Variants in NFE2L3 observed in about 807,000 individuals in gnomAD.
NFE2L3 encodes nuclear factor erythroid 2-related factor 3.
NFE2L3 carries 18 observed loss-of-function variants against 23.5 expected under a neutral mutation model. That is an observed-to-expected ratio of 0.77 (90% confidence interval 0.53 to 1.13). The LOEUF is 1.13. NFE2L3 is among the 50% of genes most tolerant of loss of function. The pLI, the probability that NFE2L3 is intolerant of heterozygous loss-of-function variation, is 0.00. For missense variants in NFE2L3, 1,152 were observed against 877.2 expected (o/e 1.31, Z -3.96); for synonymous variants, 424 against 354.5 (o/e 1.20, Z -2.20).
chr7:26,161,335 C>CTTTTT (rs914055111), intron 1 of NFE2L3, among the ~76,000 whole-genome samples: 9 of 69,574 alleles, frequency 1.3e-4, no homozygotes, highest in Non-Finnish European at 1.9e-4. Context: ...GCTTCTCTCT[C>CTTTTT]TTTTTTTTTT....
intron 3 of NFE2L3, chr7:26,184,131 G>A: frequency 2.9e-6 from 1 of 339,942 alleles, no homozygotes; most frequent in Non-Finnish European, 5.4e-6. Context: ...TGTAGTTTTA[G>A]CGCTTAGAGG....
chr7:26,158,354 A>T (rs193151835), intron 1 of NFE2L3, among the ~76,000 whole-genome samples: 123 of 152,338 alleles, frequency 8.1e-4, no homozygotes, highest in African/African-American at 2.9e-3. Flanking sequence ...CAATGGACCC[A>T]GTTTCCAAAG....
chr7:26,184,451 G>T (rs945473555), intron 3 of NFE2L3, 82 bp from the exon 4 acceptor site: 1 of 1,282,524 alleles, frequency 7.8e-7, no homozygotes. Flanking sequence ...TGACAAAAGA[G>T]GGGAAAGAAA....
At position 26,185,696 on chromosome 7, in the gene NFE2L3, T is replaced by C. The variant is rs1033070847; in HGVS notation, c.1998T>C (p.Cys666=). 1 of 1,613,792 alleles carries C rather than the reference T, an allele frequency of 6.2e-7. No homozygotes were observed. Among genetic ancestry groups the C allele is most frequent in the South Asian group, 1.1e-5 (1 of 91,056 alleles). Residue 666 remains cysteine, a synonymous_variant, in exon 4 of 4, where the codon TGT becomes TGC. Coordinates refer to ENST00000056233, the MANE Select transcript of NFE2L3 (RefSeq NM_004289.7). ...ATCCCAACCACTATGCTCTCCAGTG[T>C]ACCCATGATGGAAGTATCTTGATAG... ...PVNPNHYALQ[C]THDGSILIVP... is the part of the protein sequence containing the mutation.
Position 26,186,269 on chromosome 7 carries a change from A to AG in NFE2L3, c.*486_*487insG, listed in dbSNP as rs1782484921. 1 of 152,208 alleles carries AG rather than the reference A, an allele frequency of 6.6e-6. No homozygotes were observed. The highest frequency in any genetic ancestry group is 2.4e-5 in the African/African-American group (1 of 41,460). The allele number at this position is 152,208 out of a possible 1,614,324, so 9.4% of individuals were successfully genotyped here. On this transcript the variant is annotated 3_prime_UTR_variant, in exon 4 of 4. Transcript: ENST00000056233. ...CTTATAAATTTTGCTTTCTATGGAA[A>AG]TAAATTTTGTATTTGTATTAAAAAT...
At chr7:26,156,578 T>C (rs1784085702) in intron 1 of NFE2L3, among the ~76,000 whole-genome samples, 1 of 152,204 alleles carries the variant, frequency 6.6e-6, no homozygotes, top group African/African-American at 2.4e-5. Context: ...TCACAACGGA[T>C]GAAGCATGCA....
rs1485693587 is a variant in NFE2L3, at chr7:26,174,802, T to C, written c.571-3141T>C. ...CTGTTCCTGGAAGAAACAGAAAGAG[T>C]GAAAAAGTTTGACAAGCTTTAATGT... On this transcript the variant is annotated intron_variant, in intron 1 of 3. Transcript: ENST00000056233. The C allele has an allele frequency of 3.3e-5, 5 of 152,084 alleles. No individual in the cohort carries two copies. In the East Asian group the frequency reaches 9.6e-4, roughly 29 times the overall value. 9.4% of individuals were successfully genotyped at this position (152,084 alleles called of 1,614,324 possible). A position where few individuals can be genotyped will look rare whatever the true frequency, so the allele number is the denominator to read the frequency against.
chr7:26,183,619 G>T (rs1456837768), intron 2 of NFE2L3, 82 bp from the exon 3 acceptor site: 16 of 806,314 alleles, frequency 2.0e-5, no homozygotes, highest in Non-Finnish European at 3.4e-5. Context: ...ATAATACCTG[G>T]TGATCCTTTA....
intron 1 of NFE2L3, among the ~76,000 whole-genome samples, chr7:26,160,561 C>T (rs1784151764): frequency 6.6e-6 from 1 of 152,228 alleles, no homozygotes; most frequent in African/African-American, 2.4e-5. Context: ...CTCTAGGGCA[C>T]CCAGAAACTC....
intron 2 of NFE2L3, among the ~76,000 whole-genome samples, chr7:26,178,612 C>A (rs530608905): frequency 1.3e-5 from 2 of 152,290 alleles, no homozygotes; most frequent in East Asian, 3.9e-4. Flanking sequence ...TCCAGTGGGA[C>A]CACCTCCTTA....
chr7:26,165,061 A>G (rs1159523518), intron 1 of NFE2L3, among the ~76,000 whole-genome samples: 7 of 152,246 alleles, frequency 4.6e-5, no homozygotes, highest in African/African-American at 9.6e-5. Flanking sequence ...GCCTTGTAGT[A>G]TAGTTTGAAG....
In NFE2L3 at chr7:26,183,716, A is replaced by G. The variant is rs1244441371; in HGVS notation, c.766A>G (p.Thr256Ala). Residue 256 changes from threonine (T) to alanine (A), a missense_variant, in exon 3 of 4, where the codon ACA becomes GCA. Physicochemically the swap from Thr to Ala is moderately conservative, Grantham distance 58 (BLOSUM62 0). Coordinates refer to ENST00000056233, the MANE Select transcript of NFE2L3 (RefSeq NM_004289.7). ...TTCTCTACAGAGACATCTGAATGGG[A>G]CAGATACTTCTTTCTCTCTGGAAGA... Reference protein sequence around the residue: ...ESRNERHLNGTDTSFSLEDLF... With the variant: ...ESRNERHLNGADTSFSLEDLF... The G allele has an allele frequency of 6.2e-7, 1 of 1,610,804 alleles. No homozygotes were observed. The highest frequency in any genetic ancestry group is 1.3e-5 in the African/African-American group (1 of 75,000).
At chr7:26,182,457 C>G (rs1304510902) in intron 2 of NFE2L3, among the ~76,000 whole-genome samples, 6 of 144,768 alleles carry the variant, frequency 4.1e-5, no homozygotes, top group Non-Finnish European at 8.8e-5. Flanking sequence ...AACGCCAGCT[C>G]TACTAAAAAT....
In NFE2L3 at chr7:26,152,812, G is replaced by A; in HGVS notation, c.314G>A (p.Arg105His). 7 of 1,486,942 alleles carry A rather than the reference G, an allele frequency of 4.7e-6. No individual in the cohort carries two copies. The highest frequency in any genetic ancestry group is 1.3e-5 in the South Asian group (1 of 79,200). The allele number at this position is 1,486,942 out of a possible 1,614,324, so 92.1% of individuals were successfully genotyped here. Residue 105 changes from arginine (R) to histidine (H), a missense_variant, in exon 1 of 4, where the codon CGC becomes CAC. Coordinates refer to ENST00000056233, the MANE Select transcript of NFE2L3 (RefSeq NM_004289.7). This position sits in a 1 kb window ranked among gnomAD's most constrained non-coding sequence, Gnocchi z 4.4. ...GCGCTCGGGGTCCCCTTCGTCCCTCGCACCAGCGTGGATGCATGGCTGGTG... is the reference window on the plus strand; with the variant it reads ...GCGCTCGGGGTCCCCTTCGTCCCTCACACCAGCGTGGATGCATGGCTGGTG... ...VRALGVPFVP[R>H]TSVDAWLVHS...
intron 1 of NFE2L3, among the ~76,000 whole-genome samples, chr7:26,175,487 A>G (rs1444969285): frequency 2.6e-5 from 4 of 152,042 alleles, no homozygotes; most frequent in Non-Finnish European, 5.9e-5. Flanking sequence ...AGTTTATAAT[A>G]ATAGTTTCCG....
In NFE2L3 at chr7:26,177,393, T is replaced by G. The variant is rs961815412; in HGVS notation, c.571-550T>G. Among the ~76,000 whole-genome samples, 3 of 152,338 alleles carry G rather than the reference T, an allele frequency of 2.0e-5. No individual in the cohort carries two copies. The South Asian group carries it at 6.2e-4, about 32-fold the overall frequency. ...GGGCAGATCACTCGAGGTCAGGAGCTGGAGACCAGCCTGGCCAACACGGCG... is the reference window on the plus strand; with the variant it reads ...GGGCAGATCACTCGAGGTCAGGAGCGGGAGACCAGCCTGGCCAACACGGCG... On this transcript the variant is annotated intron_variant, in intron 1 of 3. Transcript: ENST00000056233.
Position 26,152,759 on chromosome 7 carries a change from C to A in NFE2L3, c.261C>A (p.Pro87=). The part of the protein sequence containing the change: ...KGRELDPAAP[P]EGQLLREVRA... The stretch of plus-strand genomic sequence containing the variant: ...GGGAGCTGGACCCTGCCGCGCCGCC[C>A]GAGGGCCAGCTGCTCCGGGAGGTGC... Residue 87 remains proline (P), a synonymous_variant, in exon 1 of 4, where the codon CCC becomes CCA. Transcript: ENST00000056233. This position sits in a 1 kb window ranked among gnomAD's most constrained non-coding sequence, Gnocchi z 4.4. The A allele has an allele frequency of 6.8e-7, 1 of 1,475,852 alleles. No individual in the cohort carries two copies. Among genetic ancestry groups the A allele is most frequent in the African/African-American group, 1.5e-5 (1 of 68,238 alleles). 91.4% of individuals were successfully genotyped at this position (1,475,852 alleles called of 1,614,324 possible).
chr7:26,174,581 GCA>G (rs1363203892), intron 1 of NFE2L3: 1 of 152,196 alleles, frequency 6.6e-6, no homozygotes, highest in Non-Finnish European at 1.5e-5. Context: ...TAGAGGGAAG[GCA>G]CAGTGTCAGA....
intron 1 of NFE2L3, among the ~76,000 whole-genome samples, chr7:26,168,178 C>A (rs1049922131): frequency 6.6e-6 from 1 of 151,242 alleles, no homozygotes; most frequent in Non-Finnish European, 1.5e-5. Context: ...ACTCTGTCAC[C>A]CAGACTGGAG....
Sources: gnomAD v4.1 joint callset for allele counts (sites outside exome capture counted in the v4.1 genomes callset) on GRCh38, gnomAD v4.1.1 for gene constraint, Gnocchi (gnomAD v3.1) non-coding constraint, MANE v1.5 for transcripts, NCBI Gene and HGNC (gene_info 2026-07-23, HGNC 2026-07-21) for gene names.